The following CFAP54 variants were observed in gnomAD, a reference collection of about 807,000 sequenced individuals.
CFAP54 encodes cilia and flagella associated protein 54.
A neutral mutation model predicts 370.4 loss-of-function variants in CFAP54; 290 were observed. The observed-to-expected ratio is 0.78, with a 90% CI of 0.71 to 0.86. The LOEUF (loss-of-function observed/expected upper bound fraction) is 0.86, where lower values mean the gene tolerates loss of function less well. Ranked by LOEUF, CFAP54 falls within the 40% of genes least tolerant of loss-of-function variation. The pLI is 0.00. For synonymous variants in CFAP54, 1,206 were observed against 1,236.5 expected (o/e 0.98, Z 0.52); for missense variants, 3,399 against 3,528.7 (o/e 0.96, Z 0.93).
intron 40 of CFAP54, among the ~76,000 whole-genome samples, chr12:96,683,738 T>C (rs1004837815): frequency 2.6e-5 from 4 of 152,144 alleles, no homozygotes; most frequent in African/African-American, 7.2e-5. Context: ...TTGGGGTTTT[T>C]GGCTACACAT....
intron 46 of CFAP54, among the ~76,000 whole-genome samples, chr12:96,701,184 G>A (rs1010971132): frequency 3.3e-5 from 5 of 152,088 alleles, no homozygotes; most frequent in Non-Finnish European, 7.4e-5. Context: ...ATCTGTGTGA[G>A]ATTGATAGGT....
intron 26 of CFAP54, among the ~76,000 whole-genome samples, chr12:96,610,430 G>T (rs946259024): frequency 9.2e-5 from 14 of 152,304 alleles, no homozygotes; most frequent in African/African-American, 2.9e-4. Flanking sequence ...GGGCTCCCAA[G>T]ATGGCTGAAT....
At chr12:96,763,558 C>T (rs1958361637) in intron 58 of CFAP54, among the ~76,000 whole-genome samples, 1 of 152,084 alleles carries the variant, frequency 6.6e-6, no homozygotes, top group Non-Finnish European at 1.5e-5. Flanking sequence ...GTGGGCCGAT[C>T]ACCTGAGCTC....
intron 64 of CFAP54, 112 bp downstream of exon 64, chr12:96,811,954 C>G (rs527664110): frequency 1.9e-5 from 11 of 578,398 alleles, no homozygotes; most frequent in Non-Finnish European, 2.6e-5. Flanking sequence ...AGGCACTTCG[C>G]GAAGAATCTT....
chr12:96,724,548 T>G (rs1213775777), intron 50 of CFAP54, among the ~76,000 whole-genome samples: 15 of 152,140 alleles, frequency 9.9e-5, no homozygotes, highest in Admixed American at 9.8e-4. Flanking sequence ...TAAATTTGTT[T>G]GAGTTCATTG....
intron 48 of CFAP54, among the ~76,000 whole-genome samples, chr12:96,710,296 G>A (rs1381011683): frequency 1.3e-5 from 2 of 152,206 alleles, no homozygotes; most frequent in African/African-American, 4.8e-5. Flanking sequence ...GGAGAGCTTG[G>A]CTGCGTCTCA....
In CFAP54 at chr12:96,625,788, C is replaced by A; in HGVS notation, c.3957C>A (p.Val1319=). 6.5e-7 allele frequency: 1 copy of A among 1,535,432 alleles called. No individual in the cohort carries two copies. Among genetic ancestry groups the A allele is most frequent in the South Asian group, 1.2e-5 (1 of 84,002 alleles). The change falls in exon 29 of 68, where the codon GTC becomes GTA. Residue 1319 remains valine, a synonymous_variant. Coordinates refer to ENST00000524981, the MANE Select transcript of CFAP54 (RefSeq NM_001306084.2). ...FLYPVVLNWS[V]KGAVKEVMKF... ...ATCCTGTAGTTTTGAATTGGTCGGT[C>A]AAAGGTGCCGTGAAAGAAGGTAGGT...
chr12:96,701,442 G>C (rs932098805), intron 46 of CFAP54, among the ~76,000 whole-genome samples: 3 of 152,054 alleles, frequency 2.0e-5, no homozygotes, highest in Non-Finnish European at 4.4e-5. Context: ...ACAGCAGGGG[G>C]GCTCCTGCTT....
chr12:96,529,460 T>C (rs541849791), intron 9 of CFAP54, among the ~76,000 whole-genome samples: 73 of 152,298 alleles, frequency 4.8e-4, no homozygotes, highest in African/African-American at 1.7e-3. Flanking sequence ...TTTTTTTAGT[T>C]TGCACACCCA....
chr12:96,519,947 G>A (rs1955284434), intron 6 of CFAP54, among the ~76,000 whole-genome samples: 1 of 152,132 alleles, frequency 6.6e-6, no homozygotes. Context: ...TTAGTTTTGT[G>A]TTCCTTATCA....
In CFAP54 at chr12:96,513,036, T is replaced by A; in HGVS notation, c.790T>A (p.Ser264Thr). Residue 264 changes from serine to threonine, a missense_variant, in exon 5 of 68, where the codon TCT (serine) becomes ACT (threonine). Transcript: ENST00000524981. Reference protein sequence around the residue: ...ICRKLMVIGQSSKALEYLLWA... With the variant: ...ICRKLMVIGQTSKALEYLLWA... ...CAGAAAACTGATGGTCATAGGTCAG[T>A]CTTCCAAGGTATGAAATGTACTGAC... 1 of 1,511,104 alleles carries A rather than the reference T, an allele frequency of 6.6e-7. No homozygotes were observed. Among genetic ancestry groups the A allele is most frequent in the African/African-American group, 1.4e-5 (1 of 72,382 alleles). 93.6% of individuals were successfully genotyped at this position (1,511,104 alleles called of 1,614,324 possible). A position where few individuals can be genotyped will look rare whatever the true frequency, so the allele number is the denominator to read the frequency against.
intron 60 of CFAP54, among the ~76,000 whole-genome samples, chr12:96,783,674 G>A (rs1007539945): frequency 5.6e-4 from 85 of 152,260 alleles, no homozygotes; most frequent in African/African-American, 2.0e-3. Flanking sequence ...ATCACCTGAG[G>A]TCGGGAGTTC....
At chr12:96,754,229 A>AT (rs898043674) in intron 56 of CFAP54, among the ~76,000 whole-genome samples, 4 of 152,104 alleles carry the variant, frequency 2.6e-5, no homozygotes, top group Admixed American at 1.3e-4. Context: ...CTTGGAAGAC[A>AT]TTTTTTCTGC....
intron 65 of CFAP54, among the ~76,000 whole-genome samples, chr12:96,819,165 G>A (rs1295087164): frequency 3.3e-5 from 5 of 152,152 alleles, no homozygotes; most frequent in African/African-American, 1.2e-4. Context: ...TTCAGTATCG[G>A]TCATGAAAGA....
intron 66 of CFAP54, among the ~76,000 whole-genome samples, chr12:96,853,512 T>G (rs754957603): frequency 3.9e-5 from 6 of 152,174 alleles, no homozygotes; most frequent in Non-Finnish European, 8.8e-5. Context: ...ACTTCTCCTT[T>G]TCTGTCTACA....
Position 96,592,573 on chromosome 12 carries a change from A to G in CFAP54, c.3296A>G (p.Lys1099Arg), listed in dbSNP as rs1375177695. 5.6e-6 allele frequency: 7 copies of G among 1,247,520 alleles called. No individual in the cohort carries two copies. The highest frequency in any genetic ancestry group is 2.7e-5 in the Admixed American group (1 of 37,272). The allele number at this position is 1,247,520 out of a possible 1,614,324, so 77.3% of individuals were successfully genotyped here. ...LRNIFVTSDI[K>R]IKEENLFCDN... ...AATATTTTTGTAACAAGTGACATCA[A>G]AATTAAAGAAGAAAATCTTTTCTGT... Residue 1099 changes from lysine (K) to arginine (R), a missense_variant, in exon 24 of 68, where the codon AAA becomes AGA. Lys to Arg is a conservative substitution (Grantham distance 26). This residue lies in a region of CFAP54 where 2,796 missense variants were observed against 2,869.7 expected (regional missense o/e 0.97). Transcript: ENST00000524981.
At chr12:96,813,172 T>A (rs1958943667) in intron 64 of CFAP54, among the ~76,000 whole-genome samples, 1 of 152,232 alleles carries the variant, frequency 6.6e-6, no homozygotes, top group South Asian at 2.1e-4. Context: ...TTCTTTTTTT[T>A]ATTCCAAAAA....
intron 66 of CFAP54, 90 bp from the exon 67 acceptor site, chr12:96,860,729 A>G (rs1959858747): frequency 7.8e-7 from 1 of 1,275,450 alleles, no homozygotes; most frequent in Non-Finnish European, 1.0e-6. Context: ...TTCATATAAA[A>G]TTATTAGAAA....
chr12:96,797,002 C>T (rs984743362), intron 63 of CFAP54, among the ~76,000 whole-genome samples: 1 of 152,032 alleles, frequency 6.6e-6, no homozygotes, highest in South Asian at 2.1e-4. Context: ...TGGCTGCATC[C>T]CACAATTTTT....
Sources: allele counts gnomAD v4.1 joint callset (sites outside exome capture counted in the v4.1 genomes callset), GRCh38; gene constraint gnomAD v4.1.1; regional missense constraint gnomAD v4.1.1; transcripts MANE v1.5; gene names NCBI Gene and HGNC (gene_info 2026-07-23, HGNC 2026-07-21).